The following ZEB1 variants were observed in gnomAD, a reference collection of about 807,000 sequenced individuals.
ZEB1 encodes zinc finger E-box-binding homeobox 1.
In ZEB1, 21 loss-of-function variants were observed where a neutral mutation model predicts 84.9. The ratio of observed to expected loss-of-function variants is 0.25; its 90% confidence interval spans 0.18 to 0.36. ZEB1 has a LOEUF of 0.36. Among genes scored for constraint, ZEB1 ranks in the 10% least tolerant of loss-of-function variants. The pLI, the probability that ZEB1 is intolerant of heterozygous loss-of-function variation, is 1.00. For synonymous variants in ZEB1, 420 were observed against 471.1 expected (o/e 0.89, Z 1.41); for missense variants, 1,104 against 1,330.2 (o/e 0.83, Z 2.65).
At chr10:31,358,486 CTA>C (rs2042472814) in intron 1 of ZEB1, 1 of 152,016 alleles carries the variant, frequency 6.6e-6, no homozygotes, top group Non-Finnish European at 1.5e-5. Flanking sequence ...GTAGAGTAAA[CTA>C]TGCAGGCCAT....
intron 1 of ZEB1, among the ~76,000 whole-genome samples, chr10:31,435,119 C>G (rs1591227253): frequency 6.6e-6 from 1 of 152,128 alleles, no homozygotes; most frequent in African/African-American, 2.4e-5. Flanking sequence ...AAAGTGGAAG[C>G]TGGAGTTTGA....
At chr10:31,517,370 C>T (rs1339100208) in intron 6 of ZEB1, among the ~76,000 whole-genome samples, 1 of 151,984 alleles carries the variant, frequency 6.6e-6, no homozygotes, top group East Asian at 1.9e-4. Context: ...CAGACCTCCA[C>T]TCAGATTAGA....
intron 1 of ZEB1, among the ~76,000 whole-genome samples, chr10:31,423,484 G>A (rs903563449): frequency 2.6e-5 from 4 of 152,062 alleles, no homozygotes; most frequent in Non-Finnish European, 5.9e-5. Flanking sequence ...TATTATGCAT[G>A]TATCCAACTT....
intron 2 of ZEB1, among the ~76,000 whole-genome samples, chr10:31,467,611 T>C (rs940230212): frequency 1.3e-5 from 2 of 152,138 alleles, no homozygotes; most frequent in African/African-American, 4.8e-5. Flanking sequence ...TCACTGCCAG[T>C]GGTTGATCCT....
At chr10:31,393,263 C>T (rs2050111097) in intron 1 of ZEB1, among the ~76,000 whole-genome samples, 1 of 151,992 alleles carries the variant, frequency 6.6e-6, no homozygotes, top group African/African-American at 2.4e-5. Context: ...TGTTTTTATT[C>T]CTTCGGACAT....
At chr10:31,512,164 G>A (rs2070184505) in intron 5 of ZEB1, among the ~76,000 whole-genome samples, 1 of 152,080 alleles carries the variant, frequency 6.6e-6, no homozygotes, top group African/African-American at 2.4e-5. Flanking sequence ...GTGTAGACAA[G>A]GCTTGGGAAA....
intron 2 of ZEB1, among the ~76,000 whole-genome samples, chr10:31,490,717 T>C (rs183638087): frequency 3.4e-4 from 51 of 151,880 alleles, no homozygotes; most frequent in Admixed American, 1.4e-3. Context: ...GACTTGAGAC[T>C]TTTTCTGATT....
chr10:31,381,129 C>A (rs1025051344), intron 1 of ZEB1, among the ~76,000 whole-genome samples: 1 of 152,052 alleles, frequency 6.6e-6, no homozygotes, highest in Non-Finnish European at 1.5e-5. Flanking sequence ...ACAAATTTGT[C>A]CACCCGTCAT....
At chr10:31,523,898 T>A in intron 7 of ZEB1, 35 bp from the exon 8 acceptor site, 1 of 1,605,038 alleles carries the variant, frequency 6.2e-7, no homozygotes. Context: ...TCTTTTAATG[T>A]TAAATTACAT....
chr10:31,325,449 C>T (rs140025696), intron 1 of ZEB1, among the ~76,000 whole-genome samples: 16 of 152,152 alleles, frequency 1.1e-4, no homozygotes, highest in African/African-American at 3.9e-4. Context: ...TTGCATTTAT[C>T]TGTCCATATG....
chr10:31,449,221 C>G (rs935720662), intron 1 of ZEB1, among the ~76,000 whole-genome samples: 3 of 152,260 alleles, frequency 2.0e-5, no homozygotes, highest in African/African-American at 7.2e-5. Context: ...AAGGGAACTC[C>G]CTGACCCCTT....
chr10:31,363,134 C>T (rs770162311), intron 1 of ZEB1: 2 of 1,533,968 alleles, frequency 1.3e-6, no homozygotes, highest in South Asian at 1.2e-5. Context: ...GATCCAAGAG[C>T]TGCAGGATCC....
chr10:31,334,720 G>A (rs2037624632), intron 1 of ZEB1, among the ~76,000 whole-genome samples: 1 of 152,000 alleles, frequency 6.6e-6, no homozygotes, highest in East Asian at 1.9e-4. Flanking sequence ...GCAGTATCTG[G>A]AATGAAAATG....
chr10:31,483,443 G>T (rs960313517), intron 2 of ZEB1, among the ~76,000 whole-genome samples: 1 of 151,890 alleles, frequency 6.6e-6, no homozygotes, highest in African/African-American at 2.4e-5. Context: ...AGGTCCAACA[G>T]AAAAATACAT....
chr10:31,363,684 C>T, intron 1 of ZEB1: 1 of 1,280,688 alleles, frequency 7.8e-7, no homozygotes, highest in Non-Finnish European at 1.1e-6. Context: ...GACAAGGGAT[C>T]CTTACGGGGC....
chr10:31,441,352 A>G (rs2058957888), intron 1 of ZEB1, among the ~76,000 whole-genome samples: 1 of 152,242 alleles, frequency 6.6e-6, no homozygotes, highest in African/African-American at 2.4e-5. Flanking sequence ...CTGACTAGCC[A>G]TATGTGGAAA....
chr10:31,378,218 A>G (rs1564645436), intron 1 of ZEB1, among the ~76,000 whole-genome samples: 1 of 151,518 alleles, frequency 6.6e-6, no homozygotes, highest in Non-Finnish European at 1.5e-5. Flanking sequence ...AAGCACCACT[A>G]TATTATCCAG....
intron 1 of ZEB1, among the ~76,000 whole-genome samples, chr10:31,347,553 C>T (rs1173399226): frequency 1.3e-5 from 2 of 152,100 alleles, no homozygotes; most frequent in Admixed American, 6.6e-5. Context: ...ATTTAGCATA[C>T]ATTCATGTAT....
chr10:31,319,172 G>T (rs544998003), upstream of ZEB1: 9,756 of 1,120,474 alleles, frequency 8.7e-3, 65 homozygotes, highest in Non-Finnish European at 0.01. Flanking sequence ...GCGGAGGGGT[G>T]GGGGGGAAGG....
Sources: gnomAD v4.1 joint callset for allele counts (sites outside exome capture counted in the v4.1 genomes callset) on GRCh38, gnomAD v4.1.1 for gene constraint, MANE v1.5 for transcripts, NCBI Gene and HGNC (gene_info 2026-07-23, HGNC 2026-07-21) for gene names.